Variants in TPCN1 observed in about 807,000 individuals in gnomAD.
TPCN1 encodes the protein two pore channel protein 1.
Under a neutral mutation model 108.8 loss-of-function variants are expected in TPCN1, and 52 were observed. The ratio of observed to expected loss-of-function variants is 0.48; its 90% CI spans 0.38 to 0.60. The LOEUF is 0.60. Among genes scored for constraint, TPCN1 ranks in the 20% least tolerant of loss-of-function variants. The pLI is 0.00. For missense variants in TPCN1, 806 were observed against 1,072.8 expected, an observed-to-expected ratio of 0.75 and a Z score of 3.47; for synonymous variants, 446 against 433.7, an observed-to-expected ratio of 1.03 and a Z score of -0.35.
chr12:113,251,964 C>T (rs888951345), intron 2 of TPCN1, among the ~76,000 whole-genome samples: 1 of 152,210 alleles, frequency 6.6e-6, no homozygotes, highest in African/African-American at 2.4e-5. Flanking sequence ...CCAAAGACCT[C>T]TTCAGTAGAG....
chr12:113,224,195 G>T (rs1953381906), intron 1 of TPCN1, among the ~76,000 whole-genome samples: 1 of 152,174 alleles, frequency 6.6e-6, no homozygotes, highest in African/African-American at 2.4e-5. Context: ...AGAGCTGAAA[G>T]CTTGGCTTTT....
At position 113,265,796 on chromosome 12, in the gene TPCN1, C is replaced by A. The variant is rs146345894; in HGVS notation, c.238-384C>A. Among the ~76,000 whole-genome samples, 781 of 152,238 alleles carry A rather than the reference C, an allele frequency of 5.1e-3. 11 individuals carry two copies. Among genetic ancestry groups the A allele is most frequent in the African/African-American group, 0.018 (740 of 41,552 alleles). ...TACAGGCATGAGCCACCGCACCCAG[C>A]CCCTCCCCTCTTTTTTAAGAGATGG... On this transcript the variant is annotated intron_variant, in intron 3 of 27. Coordinates refer to ENST00000335509, the MANE Select transcript of TPCN1 (RefSeq NM_017901.6).
At position 113,291,867 on chromosome 12, in the gene TPCN1, T is replaced by C; in HGVS notation, c.2029-7T>C. ...GCCTCTGCCCCTCCCTCCCTATCCC[T>C]GGCCAGGTGGTGATGACGATCATTG... is the stretch of plus-strand genomic sequence containing the variant. On this transcript the variant is annotated splice_polypyrimidine_tract_variant and splice_region_variant and intron_variant, in intron 24 of 27. Transcript: ENST00000335509. The C allele has an allele frequency of 7.6e-7, 1 of 1,313,278 alleles. No individual in the cohort carries two copies. The highest frequency in any genetic ancestry group is 1.0e-6 in the Non-Finnish European group (1 of 960,712). The allele number at this position is 1,313,278 out of a possible 1,614,324, so 81.4% of individuals were successfully genotyped here.
rs150881716 is a variant in TPCN1, at chr12:113,250,624, A to C, written c.113-9744A>C. 7.2e-5 allele frequency among the ~76,000 whole-genome samples: 11 copies of C among 152,364 alleles called. No homozygotes were observed. The East Asian group carries it at 1.9e-3, about 27-fold the overall frequency. On this transcript the variant is annotated intron_variant, in intron 2 of 27. Transcript: ENST00000335509. ...TGTCTGCTAAACAAAGGAGTAGATG[A>C]ACAGGCCAGTTGTTGGTCTTAGAAT...
chr12:113,256,479 G>T (rs1421736070), intron 2 of TPCN1, among the ~76,000 whole-genome samples: 1 of 152,184 alleles, frequency 6.6e-6, no homozygotes, highest in Non-Finnish European at 1.5e-5. Flanking sequence ...AAAGTTGGAG[G>T]ATTAACACTG....
intron 23 of TPCN1, 117 bp from the exon 24 acceptor site, chr12:113,291,492 A>C: frequency 2.3e-6 from 2 of 865,978 alleles, no homozygotes; most frequent in Non-Finnish European, 3.7e-6. Flanking sequence ...CATCTCTCAC[A>C]ACCAGCCACA....
chr12:113,230,437 G>A (rs1169786208), intron 2 of TPCN1, among the ~76,000 whole-genome samples: 4 of 151,796 alleles, frequency 2.6e-5, no homozygotes, highest in African/African-American at 7.3e-5. Context: ...GTGTCACCAC[G>A]CCCAGCTAAT....
intron 2 of TPCN1, among the ~76,000 whole-genome samples, chr12:113,249,155 C>T (rs1380794147): frequency 2.0e-5 from 3 of 152,204 alleles, no homozygotes; most frequent in African/African-American, 4.8e-5. Flanking sequence ...GGGCCTTCTC[C>T]TGCCCCCAGT....
At chr12:113,251,216 G>T (rs1358166910) in intron 2 of TPCN1, among the ~76,000 whole-genome samples, 1 of 152,144 alleles carries the variant, frequency 6.6e-6, no homozygotes, top group Non-Finnish European at 1.5e-5. Context: ...TGGGAGGATG[G>T]CTTGAGCCTA....
chr12:113,273,405 G>A lies in TPCN1; in HGVS notation c.842+115G>A, dbSNP rs542128930. The stretch of plus-strand genomic sequence containing the variant: ...ACAGGCAGGTGCTGTGGTGCTATTG[G>A]GAGACAGGGTTGGCCCACTGAGCAC... On this transcript the variant is annotated intron_variant, in intron 9 of 27. Coordinates refer to ENST00000335509, the MANE Select transcript of TPCN1 (RefSeq NM_017901.6). This position sits in a 1 kb window ranked among gnomAD's most constrained non-coding sequence, Gnocchi z 4.0. 6 of 1,353,040 alleles carry A rather than the reference G, an allele frequency of 4.4e-6. No individual in the cohort carries two copies. The Admixed American group carries it at 1.0e-4, about 23-fold the overall frequency. The allele number at this position is 1,353,040 out of a possible 1,614,324, so 83.8% of individuals were successfully genotyped here. A position where few individuals can be genotyped will look rare whatever the true frequency, so the allele number is the denominator to read the frequency against.
intron 2 of TPCN1, among the ~76,000 whole-genome samples, chr12:113,240,008 G>A (rs1233032191): frequency 6.6e-6 from 1 of 152,068 alleles, no homozygotes; most frequent in Admixed American, 6.6e-5. Context: ...CAAGCATGAT[G>A]TCTTCTCTCT....
chr12:113,253,054 T>G (rs1207388723), intron 2 of TPCN1, among the ~76,000 whole-genome samples: 3 of 152,188 alleles, frequency 2.0e-5, no homozygotes, highest in Non-Finnish European at 4.4e-5. Context: ...GCAAGTAGTC[T>G]ACCGATTGGG....
chr12:113,227,340 G>A (rs138474924), intron 2 of TPCN1, among the ~76,000 whole-genome samples: 179 of 152,284 alleles, frequency 1.2e-3, no homozygotes, highest in South Asian at 1.5e-3. Context: ...ACCAGCCTCC[G>A]TCTGTCCCCA....
intron 2 of TPCN1, among the ~76,000 whole-genome samples, chr12:113,247,060 A>T (rs895305893): frequency 9.2e-5 from 14 of 152,140 alleles, no homozygotes; most frequent in African/African-American, 3.4e-4. Context: ...GTGGGTGTAA[A>T]CAACTGTTGG....
Position 113,268,989 on chromosome 12 carries a change from A to G in TPCN1, c.659+117A>G, listed in dbSNP as rs1955390161. ...TGAGGTCGACCCTGCATGCTGGTGG[A>G]GTACACGCAGACTCACTCTCCCTCT... is the stretch of plus-strand genomic sequence containing the variant. On this transcript the variant is annotated intron_variant, in intron 6 of 27. Coordinates refer to ENST00000335509, the MANE Select transcript of TPCN1 (RefSeq NM_017901.6). This position sits in a 1 kb window ranked among gnomAD's most constrained non-coding sequence, Gnocchi z 7.3. 1 of 1,168,968 alleles carries G rather than the reference A, an allele frequency of 8.6e-7. No homozygotes were observed. The highest frequency in any genetic ancestry group is 1.4e-5 in the South Asian group (1 of 72,928). The allele number at this position is 1,168,968 out of a possible 1,614,324, so 72.4% of individuals were successfully genotyped here.
intron 15 of TPCN1, among the ~76,000 whole-genome samples, chr12:113,282,183 C>T (rs1158415169): frequency 1.3e-5 from 2 of 150,474 alleles, no homozygotes; most frequent in African/African-American, 4.9e-5. Context: ...CTCCGCCTCC[C>T]GGGTTCACAC....
rs1053958727 is a variant in TPCN1 at position 113,266,089 on chromosome 12, G to C, written c.238-91G>C. On this transcript the variant is annotated intron_variant, in intron 3 of 27. Coordinates refer to ENST00000335509, the MANE Select transcript of TPCN1 (RefSeq NM_017901.6). The surrounding 1 kb of genome is among the most constrained non-coding windows in gnomAD (Gnocchi z 4.2). Reference sequence around the variant, plus strand: ...GGCCTGAATCTCTCCTCGCCTGCCTGGGGCCTTCCTTTCCTCCCCTGCCCG... The same window carrying C: ...GGCCTGAATCTCTCCTCGCCTGCCTCGGGCCTTCCTTTCCTCCCCTGCCCG... 5 of 1,394,322 alleles carry C rather than the reference G, an allele frequency of 3.6e-6. No individual in the cohort carries two copies. Among genetic ancestry groups the C allele is most frequent in the Non-Finnish European group, 5.0e-6 (5 of 1,003,678 alleles). The allele number at this position is 1,394,322 out of a possible 1,614,324, so 86.4% of individuals were successfully genotyped here.
chr12:113,261,785 A>G (rs1485871135), intron 3 of TPCN1, among the ~76,000 whole-genome samples: 1 of 152,206 alleles, frequency 6.6e-6, no homozygotes, highest in Non-Finnish European at 1.5e-5. Context: ...TAACCTGATA[A>G]TCTTGAATAT....
intron 15 of TPCN1, among the ~76,000 whole-genome samples, chr12:113,280,770 G>A (rs941716282): frequency 2.6e-5 from 4 of 152,220 alleles, no homozygotes; most frequent in Non-Finnish European, 5.9e-5. Context: ...CCCTTGGACA[G>A]TACTAACCTA....
Sources: allele counts gnomAD v4.1 joint callset (sites outside exome capture counted in the v4.1 genomes callset), GRCh38; gene constraint gnomAD v4.1.1; non-coding constraint Gnocchi (gnomAD v3.1); transcripts MANE v1.5; gene names NCBI Gene and HGNC (gene_info 2026-07-23, HGNC 2026-07-21).